The following SNX6 variants were observed in gnomAD, a reference collection of about 807,000 sequenced individuals.
SNX6 encodes the protein sorting nexin 6, also known as sorting nexin-6.
A neutral mutation model predicts 63.0 loss-of-function variants in SNX6; 34 were observed. The observed-to-expected ratio is 0.54, with a 90% confidence interval of 0.41 to 0.72. The LOEUF is 0.72. Among genes scored for constraint, SNX6 ranks in the 30% least tolerant of loss-of-function variants. The pLI, the probability that SNX6 is intolerant of heterozygous loss-of-function variation, is 0.00. For missense variants in SNX6, 398 were observed against 471.4 expected, an observed-to-expected ratio of 0.84 and a Z score of 1.44; for synonymous variants, 170 against 164.2, an observed-to-expected ratio of 1.04 and a Z score of -0.27.
chr14:34,588,352 G>A lies in SNX6; in HGVS notation c.719-2047C>T, dbSNP rs187254442. ...TGGGCGAGGCTGACCTCGAACTCCT[G>A]ACTTAATGTGATCCCCTTGCCTCAG... On this transcript the variant is annotated intron_variant, in intron 8 of 13. Transcript: ENST00000362031. Among the ~76,000 whole-genome samples, 35 of 151,938 alleles carry A rather than the reference G, an allele frequency of 2.3e-4. No homozygotes were observed. The East Asian group carries it at 5.0e-3, about 22-fold the overall frequency.
intron 8 of SNX6, among the ~76,000 whole-genome samples, chr14:34,591,262 C>CT (rs1257743433): frequency 2.0e-5 from 3 of 151,806 alleles, no homozygotes; most frequent in African/African-American, 7.3e-5. Context: ...CTATTTTGCA[C>CT]TTTGAGTGGT....
At chr14:34,621,595 G>A (rs1178653279) in intron 2 of SNX6, among the ~76,000 whole-genome samples, 1 of 152,124 alleles carries the variant, frequency 6.6e-6, no homozygotes, top group Non-Finnish European at 1.5e-5. Flanking sequence ...TAGTTTGGTG[G>A]GGGCAGGTTA....
chr14:34,572,195 G>C (rs1476494396), intron 11 of SNX6, among the ~76,000 whole-genome samples: 3 of 152,120 alleles, frequency 2.0e-5, no homozygotes, highest in Non-Finnish European at 4.4e-5. Context: ...GTGATACCTT[G>C]TTGTAGTTTT....
intron 6 of SNX6, among the ~76,000 whole-genome samples, chr14:34,598,876 T>A (rs867220715): frequency 6.6e-6 from 1 of 152,128 alleles, no homozygotes; most frequent in Non-Finnish European, 1.5e-5. Context: ...GCCTGGGCAA[T>A]ACAGCAAGAC....
At position 34,574,619 on chromosome 14, in the gene SNX6, CAAA is replaced by C. The variant is rs33959613; in HGVS notation, c.921+1134_921+1136del. On this transcript the variant is annotated intron_variant, in intron 11 of 13. Coordinates refer to ENST00000362031, the MANE Select transcript of SNX6 (RefSeq NM_152233.4). ...TGGGTGACAGAGTGAGACTCCATCT[CAAA>C]AAAAAAAAAAAAAAAAAAAAGAAAG... 6.0e-3 allele frequency among the ~76,000 whole-genome samples: 478 copies of C among 79,412 alleles called. 1 individual carries two copies. Among genetic ancestry groups the C allele is most frequent in the African/African-American group, 0.019 (420 of 21,732 alleles). 52.1% of individuals were successfully genotyped at this position (79,412 alleles called of 152,430 possible).
intron 11 of SNX6, among the ~76,000 whole-genome samples, chr14:34,571,781 T>C (rs530450022): frequency 6.6e-6 from 1 of 152,242 alleles, no homozygotes; most frequent in East Asian, 1.9e-4. Flanking sequence ...ATCCATTGAA[T>C]ATTTGCGTTG....
chr14:34,589,479 A>C (rs959647675), intron 8 of SNX6, among the ~76,000 whole-genome samples: 2 of 151,936 alleles, frequency 1.3e-5, no homozygotes, highest in Non-Finnish European at 2.9e-5. Context: ...AACAAAACAA[A>C]AAACAAAGAA....
intron 5 of SNX6, 37 bp downstream of exon 5, chr14:34,605,559 C>CAAAA: frequency 1.6e-6 from 2 of 1,279,562 alleles, no homozygotes; most frequent in Non-Finnish European, 1.0e-6. Flanking sequence ...CAACAACAAC[C>CAAAA]AAAAAAAAAA....
rs35447190 is a variant in SNX6, at chr14:34,593,127, G to A, written c.636C>T (p.His212=). ...GATACTCCAAAAGAAATGTTCGTTC[G>A]TGCTCAAAGAAATCATCTACATCCT... is the stretch of plus-strand genomic sequence containing the variant. ...GVKDVDDFFE[H]ERTFLLEYHN... is the part of the protein sequence containing the mutation. The change falls in exon 8 of 14, where the codon CAC becomes CAT. Residue 212 remains histidine, a synonymous_variant. Coordinates refer to ENST00000362031, the MANE Select transcript of SNX6 (RefSeq NM_152233.4). 2.0e-4 allele frequency: 319 copies of A among 1,604,128 alleles called. 1 individual carries two copies. The highest frequency in any genetic ancestry group is 2.4e-4 in the African/African-American group (18 of 74,460).
intron 13 of SNX6, among the ~76,000 whole-genome samples, chr14:34,565,943 C>T (rs1881163230): frequency 2.0e-5 from 3 of 152,068 alleles, no homozygotes. Context: ...CCCGCCTCGG[C>T]CTCCCAAAGT....
intron 9 of SNX6, 40 bp downstream of exon 9, chr14:34,586,190 C>G: frequency 7.3e-7 from 1 of 1,376,272 alleles, no homozygotes; most frequent in Non-Finnish European, 1.0e-6. Context: ...CGTGAGCCAC[C>G]GCGCCCAGCC....
intron 2 of SNX6, among the ~76,000 whole-genome samples, chr14:34,627,696 G>C (rs1883883975): frequency 6.6e-6 from 1 of 152,074 alleles, no homozygotes; most frequent in African/African-American, 2.4e-5. Context: ...CACCATGTTG[G>C]TCAGGCTGGT....
chr14:34,606,241 G>A (rs1363678098), intron 4 of SNX6, among the ~76,000 whole-genome samples: 1 of 148,490 alleles, frequency 6.7e-6, no homozygotes, highest in Non-Finnish European at 1.5e-5. Flanking sequence ...CTGTTTCCCA[G>A]GCTGGAGTAG....
chr14:34,620,918 G>T (rs1017409508), intron 2 of SNX6, among the ~76,000 whole-genome samples: 1 of 151,882 alleles, frequency 6.6e-6, no homozygotes, highest in Non-Finnish European at 1.5e-5. Context: ...CTCCAACCTG[G>T]GTGATAAAGT....
intron 3 of SNX6, 101 bp from the exon 4 acceptor site, chr14:34,608,241 A>G: frequency 6.8e-6 from 4 of 586,398 alleles, no homozygotes; most frequent in Non-Finnish European, 1.2e-5. Context: ...GCAGTCGAAC[A>G]ATCTCGGCTC....
intron 10 of SNX6, 37 bp from the exon 11 acceptor site, chr14:34,575,879 A>C (rs1349915113): frequency 7.4e-6 from 9 of 1,210,480 alleles, no homozygotes; most frequent in Non-Finnish European, 9.5e-6. Context: ...TTAATCAACA[A>C]CTACATTCTC....
chr14:34,627,470 GTTTTTTCTT>G lies in SNX6; in HGVS notation c.54+2428_54+2436del, dbSNP rs370683266. On this transcript the variant is annotated intron_variant, in intron 2 of 13. Coordinates refer to ENST00000362031, the MANE Select transcript of SNX6 (RefSeq NM_152233.4). ...CTCCGTTTCAAAAAAAAAAAAAATT[GTTTTTTCTT>G]TTTTTTCTTTTTTTGAGATGGAGTT... Among the ~76,000 whole-genome samples the G allele has an allele frequency of 9.9e-3, 1,510 of 151,916 alleles. 31 individuals carry two copies. Among genetic ancestry groups the G allele is most frequent in the African/African-American group, 0.034 (1,426 of 41,398 alleles).
At chr14:34,586,195 C>A (rs1882148995) in intron 9 of SNX6, 35 bp downstream of exon 9, 1 of 1,435,062 alleles carries the variant, frequency 7.0e-7, no homozygotes, top group Non-Finnish European at 9.8e-7. Context: ...GCCACCGCGC[C>A]CAGCCTATTT....
chr14:34,564,602 C>A (rs958130399), intron 13 of SNX6, among the ~76,000 whole-genome samples: 4 of 151,852 alleles, frequency 2.6e-5, no homozygotes, highest in Non-Finnish European at 5.9e-5. Context: ...CCGAGGTAGG[C>A]GGATCACCTG....
Sources: gnomAD v4.1 joint callset for allele counts (sites outside exome capture counted in the v4.1 genomes callset) on GRCh38, gnomAD v4.1.1 for gene constraint, MANE v1.5 for transcripts, NCBI Gene and HGNC (gene_info 2026-07-23, HGNC 2026-07-21) for gene names.